The following CEP192 variants were observed in gnomAD, a reference collection of about 807,000 sequenced individuals.
CEP192 encodes centrosomal protein of 192 kDa.
A neutral mutation model predicts 271.8 loss-of-function variants in CEP192; 151 were observed. That is an observed-to-expected ratio of 0.56 (90% CI 0.49 to 0.64). CEP192 has a LOEUF of 0.64. Among genes scored for constraint, CEP192 ranks in the 30% least tolerant of loss-of-function variants. CEP192 has a pLI of 0.00. For missense variants in CEP192, 2,910 were observed against 3,020.5 expected (o/e 0.96, Z 0.86); for synonymous variants, 995 against 1,076.5 (o/e 0.92, Z 1.48).
intron 4 of CEP192, among the ~76,000 whole-genome samples, 171 bp from the exon 5 acceptor site, chr18:13,012,802 C>T (rs2034439439): frequency 6.6e-6 from 1 of 152,096 alleles, no homozygotes; most frequent in Non-Finnish European, 1.5e-5. Context: ...GAATTCCCTG[C>T]CCTAACATTT....
chr18:13,018,357 G>A (rs1187725048), intron 7 of CEP192, 123 bp from the exon 8 acceptor site: 1 of 549,014 alleles, frequency 1.8e-6, no homozygotes, highest in Non-Finnish European at 3.1e-6. Context: ...TGGTGACAAT[G>A]GCGATTTTTC....
chr18:13,070,470 G>A (rs2037952052), intron 27 of CEP192, among the ~76,000 whole-genome samples: 1 of 152,204 alleles, frequency 6.6e-6, no homozygotes, highest in African/African-American at 2.4e-5. Flanking sequence ...GACCTTGTCA[G>A]CTATTAAGAT....
At chr18:13,011,330 G>A (rs889499467) in intron 4 of CEP192, among the ~76,000 whole-genome samples, 3 of 151,992 alleles carry the variant, frequency 2.0e-5, no homozygotes, top group Admixed American at 1.3e-4. Context: ...TAACGTCTTT[G>A]TGAGGATATG....
In CEP192 at chr18:13,116,505, T is replaced by G. The variant is rs1216533261; in HGVS notation, c.7416+2T>G. ...AATAATTCTTTTATTACACACTCAG[T>G]AAGTTGGAAATATTACTATGGGTTT... On this transcript the variant is annotated splice_donor_variant, in intron 43 of 44. Coordinates refer to ENST00000506447, the MANE Select transcript of CEP192 (RefSeq NM_032142.4). LOFTEE classifies it high-confidence loss of function. The G allele has an allele frequency of 6.3e-7, 1 of 1,595,370 alleles. No homozygotes were observed. Among genetic ancestry groups the G allele is most frequent in the Non-Finnish European group, 8.5e-7 (1 of 1,173,644 alleles).
intron 40 of CEP192, among the ~76,000 whole-genome samples, chr18:13,109,464 A>T (rs1489006604): frequency 6.6e-6 from 1 of 152,130 alleles, no homozygotes; most frequent in East Asian, 1.9e-4. Context: ...GATCATTCAT[A>T]CCTCAAACCT....
intron 1 of CEP192, among the ~76,000 whole-genome samples, chr18:12,993,197 G>A (rs1446659823): frequency 1.3e-5 from 2 of 152,150 alleles, no homozygotes; most frequent in African/African-American, 4.8e-5. Flanking sequence ...CTAGGTGTCA[G>A]GCTTGTATTG....
At chr18:13,035,696 C>A (rs1677245682) in intron 11 of CEP192, among the ~76,000 whole-genome samples, 2 of 152,156 alleles carry the variant, frequency 1.3e-5, no homozygotes, top group Admixed American at 6.5e-5. Flanking sequence ...CTCCTTTCAT[C>A]TTTTAGGGCA....
intron 40 of CEP192, among the ~76,000 whole-genome samples, chr18:13,112,686 C>T (rs543473721): frequency 6.6e-6 from 1 of 152,326 alleles, no homozygotes; most frequent in East Asian, 1.9e-4. Flanking sequence ...TGGTGTAATT[C>T]TCTAGTCAGA....
intron 30 of CEP192, among the ~76,000 whole-genome samples, chr18:13,081,312 G>C (rs1042445980): frequency 6.6e-6 from 1 of 152,124 alleles, no homozygotes; most frequent in Non-Finnish European, 1.5e-5. Context: ...CTTAATTTTA[G>C]AGCCTGTTAT....
chr18:13,083,253 A>G (rs935303762), intron 30 of CEP192, among the ~76,000 whole-genome samples: 2 of 152,220 alleles, frequency 1.3e-5, no homozygotes, highest in Non-Finnish European at 2.9e-5. Context: ...ACTTTCAGGT[A>G]CACCAATCAG....
chr18:13,038,280 C>G (rs2036017540), intron 12 of CEP192, 90 bp from the exon 13 acceptor site: 2 of 994,348 alleles, frequency 2.0e-6, no homozygotes, highest in East Asian at 5.9e-5. Flanking sequence ...TTTAAATTTT[C>G]TTGGTAAGAC....
intron 21 of CEP192, among the ~76,000 whole-genome samples, chr18:13,059,599 C>T (rs1269290555): frequency 6.6e-6 from 1 of 152,122 alleles, no homozygotes; most frequent in Non-Finnish European, 1.5e-5. Context: ...TAGCAACATG[C>T]CAGTGGTTCA....
In CEP192 at chr18:13,069,154, G is replaced by A. The variant is rs1326948922; in HGVS notation, c.5028G>A (p.Gly1676=). ...RKQHLPLKNA[G]NIEVYLDIKV... Reference sequence around the variant, plus strand: ...AGCACTTACCTTTGAAAAATGCTGGGAACATTGAAGTTTATTTGGATATCA... The same window carrying A: ...AGCACTTACCTTTGAAAAATGCTGGAAACATTGAAGTTTATTTGGATATCA... The change falls in exon 26 of 45, where the codon GGG becomes GGA. Residue 1676 remains glycine, a synonymous_variant. Transcript: ENST00000506447. The A allele has an allele frequency of 1.9e-6, 3 of 1,614,072 alleles. No individual in the cohort carries two copies. The highest frequency in any genetic ancestry group is 2.5e-6 in the Non-Finnish European group (3 of 1,179,958).
At chr18:13,112,063 T>C (rs2040234129) in intron 40 of CEP192, among the ~76,000 whole-genome samples, 1 of 152,234 alleles carries the variant, frequency 6.6e-6, no homozygotes, top group Admixed American at 6.5e-5. Flanking sequence ...GAAAATAATT[T>C]GGCAGTTTCT....
intron 43 of CEP192, among the ~76,000 whole-genome samples, 159 bp from the exon 44 acceptor site, chr18:13,117,426 A>C (rs1219036432): frequency 6.6e-6 from 1 of 152,184 alleles, no homozygotes; most frequent in Non-Finnish European, 1.5e-5. Flanking sequence ...ATTTTCTTAA[A>C]TATGTTTTCA....
intron 30 of CEP192, among the ~76,000 whole-genome samples, chr18:13,081,333 A>C (rs1001012072): frequency 2.0e-5 from 3 of 152,196 alleles, no homozygotes; most frequent in African/African-American, 7.2e-5. Flanking sequence ...TGGTCTATTT[A>C]GAGATTCAAC....
intron 11 of CEP192, among the ~76,000 whole-genome samples, chr18:13,036,150 A>AC (rs1460348925): frequency 6.6e-6 from 1 of 151,602 alleles, no homozygotes; most frequent in African/African-American, 2.4e-5. Flanking sequence ...TGTCTCAAAA[A>AC]AAAAAAAAGT....
chr18:13,108,746 G>A (rs1033680272), intron 40 of CEP192, among the ~76,000 whole-genome samples: 1 of 152,100 alleles, frequency 6.6e-6, no homozygotes, highest in Admixed American at 6.6e-5. Flanking sequence ...ATGGTGGCAC[G>A]CACCTGTAGT....
intron 42 of CEP192, 28 bp downstream of exon 42, chr18:13,114,279 T>A: frequency 1.2e-6 from 2 of 1,607,008 alleles, no homozygotes; most frequent in Non-Finnish European, 1.7e-6. Context: ...TTCTTATGAG[T>A]TTTTTCCCAG....
Sources: allele counts gnomAD v4.1 joint callset (sites outside exome capture counted in the v4.1 genomes callset), GRCh38; gene constraint gnomAD v4.1.1; transcripts MANE v1.5; gene names NCBI Gene and HGNC (gene_info 2026-07-23, HGNC 2026-07-21).